Variants in NR6A1 observed in about 807,000 individuals in gnomAD.
The protein encoded by NR6A1 is nuclear receptor subfamily 6 group A member 1.
Under a neutral mutation model 59.1 loss-of-function variants are expected in NR6A1, and 7 were observed. The ratio of observed to expected loss-of-function variants is 0.12; its 90% CI spans 0.07 to 0.22. The LOEUF (loss-of-function observed/expected upper bound fraction) is 0.22, where lower values mean the gene tolerates loss of function less well. Among genes scored for constraint, NR6A1 ranks in the 10% least tolerant of loss-of-function variants. The probability of loss-of-function intolerance (pLI) is 1.00; values close to 1 mark genes in which losing one functional copy is unlikely to be tolerated. For missense variants in NR6A1, 468 were observed against 611.6 expected (o/e 0.77, Z 2.48); for synonymous variants, 243 against 236.1 (o/e 1.03, Z -0.27).
intron 2 of NR6A1, among the ~76,000 whole-genome samples, chr9:124,624,086 A>G (rs1025492570): frequency 6.6e-6 from 1 of 152,194 alleles, no homozygotes; most frequent in African/African-American, 2.4e-5. Context: ...CTAGAATATG[A>G]ACCCAGGAAT....
chr9:124,645,907 G>T lies in NR6A1; in HGVS notation c.142+87401C>A, dbSNP rs371473655. The stretch of plus-strand genomic sequence containing the variant: ...ACATCTTAACAAATTTAGAATAATA[G>T]AAATCGTACAATGTTTGCTCTCAGA... On this transcript the variant is annotated intron_variant, in intron 2 of 9. Coordinates refer to ENST00000487099, the MANE Select transcript of NR6A1 (RefSeq NM_033334.4). Among the ~76,000 whole-genome samples, 177 of 152,222 alleles carry T rather than the reference G, an allele frequency of 1.2e-3. 2 individuals are homozygous for T. Among genetic ancestry groups the T allele is most frequent in the African/African-American group, 3.8e-3 (157 of 41,538 alleles).
At chr9:124,675,541 G>C (rs1352299328) in intron 2 of NR6A1, among the ~76,000 whole-genome samples, 1 of 152,160 alleles carries the variant, frequency 6.6e-6, no homozygotes, top group African/African-American at 2.4e-5. Context: ...ATAAAGCCAG[G>C]TCTGGCTAAA....
chr9:124,547,663 T>C (rs559961384), intron 3 of NR6A1, among the ~76,000 whole-genome samples: 2 of 152,282 alleles, frequency 1.3e-5, no homozygotes, highest in African/African-American at 4.8e-5. Flanking sequence ...GGACACAACA[T>C]CATTTCTATG....
intron 9 of NR6A1, among the ~76,000 whole-genome samples, chr9:124,524,419 T>C (rs1832873561): frequency 6.6e-6 from 1 of 152,188 alleles, no homozygotes; most frequent in Non-Finnish European, 1.5e-5. Context: ...TGAGTCTCTG[T>C]TTCCTCATCC....
At chr9:124,626,144 T>TA (rs529359694) in intron 2 of NR6A1, among the ~76,000 whole-genome samples, 1 of 152,220 alleles carries the variant, frequency 6.6e-6, no homozygotes, top group South Asian at 2.1e-4. Flanking sequence ...CAGCTGGGAC[T>TA]ACAGGCGCAC....
intron 2 of NR6A1, among the ~76,000 whole-genome samples, chr9:124,625,261 G>A (rs751782506): frequency 6.6e-6 from 1 of 152,132 alleles, no homozygotes; most frequent in Non-Finnish European, 1.5e-5. Flanking sequence ...CTTTACTCTG[G>A]TAACCTCACA....
intron 2 of NR6A1, among the ~76,000 whole-genome samples, chr9:124,573,765 A>C (rs1451873756): frequency 6.6e-6 from 1 of 152,250 alleles, no homozygotes; most frequent in Non-Finnish European, 1.5e-5. Flanking sequence ...TGGAATAAGC[A>C]ATCACTTAAA....
At position 124,571,404 on chromosome 9, in the gene NR6A1, A is replaced by G. The variant is rs539179093; in HGVS notation, c.143-16834T>C. ...GGACAGGATATGAAGAGAGACTGGA[A>G]TCTGCAGTAGATATCTTTCTGGCTG... On this transcript the variant is annotated intron_variant, in intron 2 of 9. Coordinates refer to ENST00000487099, the MANE Select transcript of NR6A1 (RefSeq NM_033334.4). Among the ~76,000 whole-genome samples, 20 of 152,286 alleles carry G rather than the reference A, an allele frequency of 1.3e-4. No individual in the cohort carries two copies. In the South Asian group the frequency reaches 3.9e-3, roughly 30 times the overall value.
chr9:124,524,624 G>T (rs1287105881), intron 9 of NR6A1, 97 bp downstream of exon 9: 23 of 1,396,728 alleles, frequency 1.6e-5, no homozygotes, highest in Non-Finnish European at 2.1e-5. Flanking sequence ...GTTGGTGATG[G>T]GCTGGAAAGA....
At chr9:124,554,237 G>A (rs904551777) in intron 3 of NR6A1, 91 bp downstream of exon 3, 12 of 1,582,272 alleles carry the variant, frequency 7.6e-6, no homozygotes, top group Non-Finnish European at 1.0e-5. Flanking sequence ...GATATGTAGT[G>A]CAAGCTTGAG....
At chr9:124,700,706 C>T (rs1838916534) in intron 2 of NR6A1, among the ~76,000 whole-genome samples, 1 of 147,586 alleles carries the variant, frequency 6.8e-6, no homozygotes, top group African/African-American at 2.5e-5. Flanking sequence ...CAGGTTTGGG[C>T]TATTAATGAA....
At chr9:124,542,250 A>C (rs1321408279) in intron 4 of NR6A1, among the ~76,000 whole-genome samples, 1 of 152,264 alleles carries the variant, frequency 6.6e-6, no homozygotes, top group Admixed American at 6.5e-5. Context: ...TAAGACATAT[A>C]TATGACTTGA....
chr9:124,717,867 T>C (rs1231059927), intron 2 of NR6A1, among the ~76,000 whole-genome samples: 1 of 152,224 alleles, frequency 6.6e-6, no homozygotes, highest in Non-Finnish European at 1.5e-5. Flanking sequence ...AATAACCTTG[T>C]AGAGCTGCCA....
At chr9:124,712,348 C>T (rs1017915502) in intron 2 of NR6A1, among the ~76,000 whole-genome samples, 2 of 152,110 alleles carry the variant, frequency 1.3e-5, no homozygotes, top group South Asian at 2.1e-4. Flanking sequence ...ATGGCTCACA[C>T]CTGTAATCCC....
intron 9 of NR6A1, among the ~76,000 whole-genome samples, chr9:124,523,567 G>A (rs1365056919): frequency 1.3e-5 from 2 of 151,684 alleles, no homozygotes; most frequent in Non-Finnish European, 2.9e-5. Flanking sequence ...TGCCGCCAAG[G>A]CTGAGGACCC....
At chr9:124,752,946 G>C (rs78331482) in intron 1 of NR6A1, among the ~76,000 whole-genome samples, 2,486 of 152,242 alleles carry the variant, frequency 0.016, 76 homozygotes, top group East Asian at 0.15. Context: ...AGGATGAAAG[G>C]AGAGAAAGAA....
intron 2 of NR6A1, among the ~76,000 whole-genome samples, chr9:124,596,974 A>G (rs1169747497): frequency 1.3e-5 from 2 of 152,258 alleles, no homozygotes; most frequent in Non-Finnish European, 2.9e-5. Context: ...ATTTAGCTTT[A>G]GGAATAACTT....
chr9:124,753,351 T>C (rs1235793798), intron 1 of NR6A1, among the ~76,000 whole-genome samples: 1 of 152,240 alleles, frequency 6.6e-6, no homozygotes, highest in Non-Finnish European at 1.5e-5. Context: ...ACTTTCTACT[T>C]GTGGCAAATA....
intron 2 of NR6A1, among the ~76,000 whole-genome samples, chr9:124,612,817 CTTTT>C (rs1030523008): frequency 2.2e-5 from 3 of 138,260 alleles, no homozygotes; most frequent in East Asian, 2.3e-4. Flanking sequence ...TTCTTTCTTT[CTTTT>C]CTTTCTTTCT....
Sources: gnomAD v4.1 joint callset for allele counts (sites outside exome capture counted in the v4.1 genomes callset) on GRCh38, gnomAD v4.1.1 for gene constraint, MANE v1.5 for transcripts, NCBI Gene and HGNC (gene_info 2026-07-23, HGNC 2026-07-21) for gene names.